GABRA5: variants seen among roughly 807,000 people sequenced by gnomAD.
GABRA5 encodes the protein gamma-aminobutyric acid type A receptor subunit alpha5.
GABRA5 carries 18 observed loss-of-function variants against 47.3 expected under a neutral mutation model. The observed-to-expected ratio is 0.38, with a 90% CI of 0.26 to 0.56. GABRA5 has a LOEUF of 0.56. GABRA5 is among the 20% of genes least tolerant of loss of function. The pLI is 0.71. For missense variants in GABRA5, 365 were observed against 599.3 expected, an observed-to-expected ratio of 0.61 and a Z score of 4.08; for synonymous variants, 237 against 229.3, an observed-to-expected ratio of 1.03 and a Z score of -0.30.
intron 6 of GABRA5, among the ~76,000 whole-genome samples, chr15:26,904,446 G>C (rs145928294): frequency 0.02 from 3,071 of 152,156 alleles, 106 homozygotes; most frequent in African/African-American, 0.07. Context: ...GGCTATTCAG[G>C]CTCTTTTTTG....
intron 3 of GABRA5, among the ~76,000 whole-genome samples, chr15:26,877,165 G>A (rs749649990): frequency 1.3e-5 from 2 of 152,230 alleles, no homozygotes; most frequent in Non-Finnish European, 2.9e-5. Context: ...CAGACTCAGA[G>A]CCTCATAAAA....
intron 8 of GABRA5, 136 bp downstream of exon 8, chr15:26,937,464 C>A: frequency 2.2e-6 from 2 of 907,184 alleles, no homozygotes; most frequent in South Asian, 1.8e-5. Flanking sequence ...CCTGTCCTGG[C>A]CAGCTGTGCT....
At chr15:26,904,684 TG>T (rs1476708470) in intron 6 of GABRA5, among the ~76,000 whole-genome samples, 1 of 152,074 alleles carries the variant, frequency 6.6e-6, no homozygotes, top group African/African-American at 2.4e-5. Flanking sequence ...TTTCACCTCC[TG>T]GGTGAGCTGT....
intron 10 of GABRA5, among the ~76,000 whole-genome samples, chr15:26,944,742 C>T (rs1894471052): frequency 6.6e-6 from 1 of 152,178 alleles, no homozygotes. Flanking sequence ...ACACCCTGCA[C>T]TGTGTTGCTG....
chr15:26,939,540 C>A, intron 8 of GABRA5: 1 of 654,596 alleles, frequency 1.5e-6, no homozygotes, highest in Non-Finnish European at 2.8e-6. Context: ...AGGACTCTGT[C>A]CACCCTCTGC....
At chr15:26,891,492 C>CAATA (rs1790112942) in intron 6 of GABRA5, among the ~76,000 whole-genome samples, 1 of 152,182 alleles carries the variant, frequency 6.6e-6, no homozygotes, top group Admixed American at 6.5e-5. Context: ...AGGAAGCTAG[C>CAATA]TATGCGCGCT....
intron 3 of GABRA5, among the ~76,000 whole-genome samples, chr15:26,870,953 A>T (rs1388742998): frequency 6.6e-6 from 1 of 152,286 alleles, no homozygotes; most frequent in Non-Finnish European, 1.5e-5. Flanking sequence ...GCACTTTGGG[A>T]GGCCAAGCGG....
chr15:26,930,959 A>T (rs556863860), intron 7 of GABRA5, among the ~76,000 whole-genome samples: 2 of 135,230 alleles, frequency 1.5e-5, no homozygotes, highest in South Asian at 2.2e-4. Flanking sequence ...GCAGTAGCAC[A>T]TTCTTGGCTC....
intron 7 of GABRA5, among the ~76,000 whole-genome samples, chr15:26,927,906 A>G (rs1211604950): frequency 1.3e-5 from 2 of 152,110 alleles, no homozygotes; most frequent in Non-Finnish European, 2.9e-5. Context: ...TGGTATCTCT[A>G]CTCTTAAGAA....
chr15:26,901,271 G>A (rs968007175), intron 6 of GABRA5, among the ~76,000 whole-genome samples: 28 of 152,152 alleles, frequency 1.8e-4, no homozygotes, highest in African/African-American at 6.5e-4. Flanking sequence ...TTGCATTCAC[G>A]TCAGCAGTTA....
intron 6 of GABRA5, among the ~76,000 whole-genome samples, chr15:26,894,057 G>T (rs12898429): frequency 6.6e-6 from 1 of 151,226 alleles, no homozygotes; most frequent in Non-Finnish European, 1.5e-5. Flanking sequence ...CGCGCCCCCT[G>T]TGCTCCCCAG....
In GABRA5 at chr15:26,880,240, C is replaced by G. The variant is rs532284656; in HGVS notation, c.87-606C>G. 6.6e-5 allele frequency among the ~76,000 whole-genome samples: 10 copies of G among 152,306 alleles called. No individual in the cohort carries two copies. The East Asian group carries it at 1.9e-3, about 29-fold the overall frequency. Reference sequence around the variant, plus strand: ...GCTTATTGTGTGACGCTGGGTCCCACAGAATGTGTTGTGAGCTGGCACACT... The same window carrying G: ...GCTTATTGTGTGACGCTGGGTCCCAGAGAATGTGTTGTGAGCTGGCACACT... On this transcript the variant is annotated intron_variant, in intron 3 of 10. Transcript: ENST00000335625.
In GABRA5 at chr15:26,867,272, T is replaced by G. The variant is rs1892338543; in HGVS notation, c.-140+161T>G. On this transcript the variant is annotated intron_variant, in intron 1 of 10. Transcript: ENST00000335625. The surrounding 1 kb of genome is among the most constrained non-coding windows in gnomAD (Gnocchi z 5.9). The stretch of plus-strand genomic sequence containing the variant: ...GCCGGGGAAGTTCGCGCTGGCAGCA[T>G]GGGGCGGTGACGCCGCACCGGCCTT... 1 of 151,168 alleles carries G rather than the reference T, an allele frequency of 6.6e-6. No homozygotes were observed. The highest frequency in any genetic ancestry group is 1.5e-5 in the Non-Finnish European group (1 of 67,830). The allele number at this position is 151,168 out of a possible 1,614,324, so 9.4% of individuals were successfully genotyped here. A position where few individuals can be genotyped will look rare whatever the true frequency, so the allele number is the denominator to read the frequency against.
At chr15:26,902,940 C>A (rs910828715) in intron 6 of GABRA5, among the ~76,000 whole-genome samples, 3 of 152,042 alleles carry the variant, frequency 2.0e-5, no homozygotes, top group Non-Finnish European at 2.9e-5. Flanking sequence ...TAATGGATTA[C>A]ATTAATTGAT....
rs1163425162 is a variant in GABRA5, at chr15:26,937,233, C to T, written c.629C>T (p.Thr210Ile). Residue 210 changes from threonine to isoleucine, a missense_variant, in exon 8 of 11, where the codon ACC (threonine) becomes ATC (isoleucine). Physicochemically the swap from Thr to Ile is moderately conservative, Grantham distance 89 (BLOSUM62 -1). Around this residue, in one of 3 missense-constraint regions of GABRA5, gnomAD observed 216 missense variants for 335.3 expected, o/e 0.64. Coordinates refer to ENST00000335625, the MANE Select transcript of GABRA5 (RefSeq NM_000810.4). ...GTTTACGTCTGGACCAACGGCTCCA[C>T]CAAGTCGGTGGTGGTGGCGGAAGAT... is the stretch of plus-strand genomic sequence containing the variant. ...EVVYVWTNGS[T>I]KSVVVAEDGS... 1 of 1,613,976 alleles carries T rather than the reference C, an allele frequency of 6.2e-7. No individual in the cohort carries two copies. The highest frequency in any genetic ancestry group is 1.7e-5 in the Admixed American group (1 of 60,028).
intron 6 of GABRA5, among the ~76,000 whole-genome samples, chr15:26,893,776 G>A (rs996875968): frequency 6.6e-6 from 1 of 152,040 alleles, no homozygotes; most frequent in African/African-American, 2.4e-5. Context: ...CGGTGGGCAC[G>A]GAGTCTGGGG....
At chr15:26,887,532 A>G (rs1245819059) in intron 6 of GABRA5, among the ~76,000 whole-genome samples, 1 of 152,046 alleles carries the variant, frequency 6.6e-6, no homozygotes, top group Admixed American at 6.5e-5. Flanking sequence ...GGGTTTCAGC[A>G]TATTGGCCAG....
intron 6 of GABRA5, among the ~76,000 whole-genome samples, chr15:26,907,147 A>T (rs1893464311): frequency 6.6e-6 from 1 of 152,206 alleles, no homozygotes; most frequent in African/African-American, 2.4e-5. Flanking sequence ...TGAAATCTGT[A>T]ATTCAAACTC....
chr15:26,911,143 T>C (rs548275299), intron 6 of GABRA5, among the ~76,000 whole-genome samples: 2 of 141,854 alleles, frequency 1.4e-5, no homozygotes, highest in East Asian at 4.4e-4. Context: ...GACACTATCA[T>C]AGATGAAGTA....
Sources: gnomAD v4.1 joint callset for allele counts (sites outside exome capture counted in the v4.1 genomes callset) on GRCh38, gnomAD v4.1.1 for gene constraint, gnomAD v4.1.1 regional missense constraint, Gnocchi (gnomAD v3.1) non-coding constraint, MANE v1.5 for transcripts, NCBI Gene and HGNC (gene_info 2026-07-23, HGNC 2026-07-21) for gene names.